MEIG1: variants seen among roughly 807,000 people sequenced by gnomAD.
MEIG1 encodes the protein meiosis/spermiogenesis associated 1, also known as meiosis expressed gene 1 protein homolog.
MEIG1 carries 12 observed loss-of-function variants against 11.3 expected under a neutral mutation model. That is an observed-to-expected ratio of 1.07 (90% CI 0.68 to 1.73). The LOEUF (loss-of-function observed/expected upper bound fraction) is 1.73, where lower values mean the gene tolerates loss of function less well. Among genes scored for constraint, MEIG1 ranks in the 40% most tolerant of loss-of-function variants. The probability of loss-of-function intolerance (pLI) is 0.00; values close to 1 mark genes in which losing one functional copy is unlikely to be tolerated. For synonymous variants in MEIG1, 41 were observed against 33.2 expected, an observed-to-expected ratio of 1.24 and a Z score of -0.81; for missense variants, 119 against 104.9, an observed-to-expected ratio of 1.13 and a Z score of -0.59.
chr10:14,971,565 G>A (rs1166110119), intron 2 of MEIG1, among the ~76,000 whole-genome samples: 2 of 151,964 alleles, frequency 1.3e-5, no homozygotes, highest in Non-Finnish European at 2.9e-5. Context: ...GGATTTCAAG[G>A]TGAACTTGAA....
At chr10:14,959,047 A>G (rs1158370857), upstream of MEIG1, among the ~76,000 whole-genome samples, 1 of 152,240 alleles carries the variant, frequency 6.6e-6, no homozygotes, top group Non-Finnish European at 1.5e-5. Context: ...ATTGTCAGGC[A>G]CTATGGCGAC....
downstream of MEIG1, among the ~76,000 whole-genome samples, chr10:14,975,394 G>A (rs1843199264): frequency 6.6e-6 from 1 of 151,920 alleles, no homozygotes; most frequent in Admixed American, 6.5e-5. Flanking sequence ...AGGCTGATAT[G>A]ACTCCCAATA....
At chr10:14,967,529 G>C (rs1336699979) in intron 2 of MEIG1, among the ~76,000 whole-genome samples, 1 of 148,202 alleles carries the variant, frequency 6.7e-6, no homozygotes, top group African/African-American at 2.5e-5. Flanking sequence ...TTTTGAGACA[G>C]AGTCTCACTC....
At chr10:14,984,256 AG>A (rs1228570486) in intron 1 of MEIG1, among the ~76,000 whole-genome samples, 2 of 149,452 alleles carry the variant, frequency 1.3e-5, no homozygotes, top group Non-Finnish European at 3.0e-5. Context: ...AGGGTGGGAG[AG>A]GGGGGTGATA....
intron 1 of MEIG1, among the ~76,000 whole-genome samples, chr10:14,963,513 C>A (rs1437142266): frequency 6.6e-6 from 1 of 152,178 alleles, no homozygotes; most frequent in African/African-American, 2.4e-5. Flanking sequence ...ATGTCCAACT[C>A]ACCTCTTTGT....
chr10:14,962,576 A>T (rs569715402), intron 1 of MEIG1, among the ~76,000 whole-genome samples: 1 of 152,308 alleles, frequency 6.6e-6, no homozygotes, highest in Admixed American at 6.5e-5. Context: ...TGAAAGTGAC[A>T]AAAGGTTACA....
chr10:14,975,910 A>G (rs1169444343), downstream of MEIG1, among the ~76,000 whole-genome samples: 3 of 152,150 alleles, frequency 2.0e-5, no homozygotes, highest in Non-Finnish European at 4.4e-5. Flanking sequence ...TCCAGGGGGA[A>G]GAGGATGCTA....
intron 1 of MEIG1, among the ~76,000 whole-genome samples, chr10:14,979,657 A>G (rs973924137): frequency 1.3e-5 from 2 of 152,052 alleles, no homozygotes; most frequent in Non-Finnish European, 2.9e-5. Flanking sequence ...CATGGGGTGT[A>G]CACCCTGGGA....
chr10:14,956,173 A>T (rs1842947910), upstream of MEIG1, among the ~76,000 whole-genome samples: 1 of 152,224 alleles, frequency 6.6e-6, no homozygotes, highest in Non-Finnish European at 1.5e-5. Context: ...CCCAGACCAA[A>T]CCTAGTGAAT....
chr10:14,956,319 C>T (rs956961008), upstream of MEIG1, among the ~76,000 whole-genome samples: 1 of 152,108 alleles, frequency 6.6e-6, no homozygotes, highest in African/African-American at 2.4e-5. Flanking sequence ...TGGCTCATGC[C>T]TATAATCCCA....
At chr10:14,954,749 G>T (rs955960007), upstream of MEIG1, among the ~76,000 whole-genome samples, 2 of 151,970 alleles carry the variant, frequency 1.3e-5, no homozygotes, top group African/African-American at 4.8e-5. Context: ...AAGAAAAATG[G>T]CAGGAAAGGT....
At chr10:14,980,638 G>A (rs1843253610) in intron 1 of MEIG1, among the ~76,000 whole-genome samples, 1 of 152,160 alleles carries the variant, frequency 6.6e-6, no homozygotes, top group Non-Finnish European at 1.5e-5. Context: ...GGGTGTCCCA[G>A]CAAAAGCTCA....
chr10:14,987,333 AGGACAG>A lies in MEIG1; in HGVS notation n.285+338_285+343del, dbSNP rs568320298. ...TTCCTCAGAACCATGACCAGATACA[AGGACAG>A]GGACAGGGACAGGGACAGCAAAGCG... On this transcript the variant is annotated intron_variant and non_coding_transcript_variant, in intron 2 of 2. Coordinates refer to the MEIG1 transcript ENST00000467536. 4.8e-3 allele frequency: 3,888 copies of A among 805,098 alleles called. 58 individuals carry two copies. The highest frequency in any genetic ancestry group is 0.033 in the African/African-American group (1,976 of 59,804). The allele number at this position is 805,098 out of a possible 1,614,324, so 49.9% of individuals were successfully genotyped here.
At chr10:14,962,275 TTG>T (rs774838353) in intron 1 of MEIG1, among the ~76,000 whole-genome samples, 1 of 152,210 alleles carries the variant, frequency 6.6e-6, no homozygotes, top group Non-Finnish European at 1.5e-5. Context: ...TAGTTTCATT[TTG>T]TGTTTTTAAT....
chr10:14,983,049 T>C (rs1014936746), intron 1 of MEIG1, among the ~76,000 whole-genome samples: 9 of 152,148 alleles, frequency 5.9e-5, no homozygotes, highest in Admixed American at 5.2e-4. Flanking sequence ...AGAATTAATA[T>C]GAATATTATG....
chr10:14,977,062 T>A (rs1015283275), downstream of MEIG1, among the ~76,000 whole-genome samples: 21 of 152,064 alleles, frequency 1.4e-4, no homozygotes, highest in Non-Finnish European at 2.8e-4. Context: ...AGCGCAATTT[T>A]ACTTTTAATG....
chr10:14,974,215 T>C (rs537262581), downstream of MEIG1, among the ~76,000 whole-genome samples: 126 of 152,244 alleles, frequency 8.3e-4, no homozygotes, highest in African/African-American at 2.9e-3. Context: ...TTCCATACTC[T>C]TGGGGGTTTT....
chr10:14,987,190 C>G, intron 2 of MEIG1: 1 of 974,948 alleles, frequency 1.0e-6, no homozygotes, highest in South Asian at 1.3e-5. Flanking sequence ...TGTCCACAGT[C>G]ACCTTGGGAA....
intron 2 of MEIG1, among the ~76,000 whole-genome samples, chr10:14,967,106 C>T (rs1056540691): frequency 1.3e-5 from 2 of 151,884 alleles, no homozygotes; most frequent in Admixed American, 6.6e-5. Flanking sequence ...AAGAGGTGGT[C>T]GTTTAGCTGG....
Sources: allele counts gnomAD v4.1 joint callset (sites outside exome capture counted in the v4.1 genomes callset), GRCh38; gene constraint gnomAD v4.1.1; transcripts MANE v1.5; gene names NCBI Gene and HGNC (gene_info 2026-07-23, HGNC 2026-07-21).